The following PREX2 variants were observed in gnomAD, a reference collection of about 807,000 sequenced individuals.
PREX2 encodes phosphatidylinositol-3,4,5-trisphosphate dependent Rac exchange factor 2, also known as phosphatidylinositol 3,4,5-trisphosphate-dependent Rac exchanger 2 protein.
Under a neutral mutation model 203.2 loss-of-function variants are expected in PREX2, and 107 were observed. The observed-to-expected ratio is 0.53, with a 90% CI of 0.45 to 0.62. The LOEUF is 0.62. Among genes scored for constraint, PREX2 ranks in the 20% least tolerant of loss-of-function variants. The probability of loss-of-function intolerance (pLI) is 0.00; values close to 1 mark genes in which losing one functional copy is unlikely to be tolerated. For missense variants in PREX2, 1,777 were observed against 1,955.9 expected (o/e 0.91, Z 1.72); for synonymous variants, 672 against 663.6 (o/e 1.01, Z -0.19).
intron 37 of PREX2, among the ~76,000 whole-genome samples, chr8:68,202,030 C>T (rs576100458): frequency 2.6e-4 from 39 of 151,580 alleles, no homozygotes; most frequent in African/African-American, 8.5e-4. Flanking sequence ...CTCAGCCTCC[C>T]GAGTAGCTGG....
chr8:68,041,312 TATA>T (rs1808190648), intron 7 of PREX2, among the ~76,000 whole-genome samples: 1 of 152,182 alleles, frequency 6.6e-6, no homozygotes, highest in Non-Finnish European at 1.5e-5. Context: ...CTTCGTCTCT[TATA>T]ATGAGTCTTC....
At chr8:68,116,529 G>A (rs984682356) in intron 26 of PREX2, among the ~76,000 whole-genome samples, 3 of 152,162 alleles carry the variant, frequency 2.0e-5, no homozygotes, top group Non-Finnish European at 4.4e-5. Flanking sequence ...TGAAACCAAG[G>A]TGTGGGCTGT....
intron 35 of PREX2, among the ~76,000 whole-genome samples, chr8:68,164,782 A>C (rs1359341788): frequency 6.7e-6 from 1 of 150,292 alleles, no homozygotes; most frequent in African/African-American, 2.5e-5. Context: ...GGGTTTCTCC[A>C]TGTTGGTCAG....
chr8:68,006,509 T>C (rs114559692), intron 1 of PREX2, among the ~76,000 whole-genome samples: 11 of 152,066 alleles, frequency 7.2e-5, no homozygotes, highest in African/African-American at 2.4e-4. Context: ...TCCGTCAGGG[T>C]CACCTTTAGA....
intron 1 of PREX2, among the ~76,000 whole-genome samples, chr8:67,955,280 C>T (rs1328541050): frequency 1.3e-5 from 2 of 152,310 alleles, no homozygotes; most frequent in South Asian, 4.1e-4. Flanking sequence ...CATCTTCCCC[C>T]ACTGCCATCC....
At chr8:68,018,196 G>A (rs1209005847) in intron 2 of PREX2, among the ~76,000 whole-genome samples, 1 of 151,682 alleles carries the variant, frequency 6.6e-6, no homozygotes, top group African/African-American at 2.4e-5. Flanking sequence ...TTGGAGGTGT[G>A]GTGGCTTATG....
intron 2 of PREX2, among the ~76,000 whole-genome samples, chr8:68,019,080 C>T (rs1490437833): frequency 6.6e-6 from 1 of 152,240 alleles, no homozygotes. Context: ...GTCGCTACAT[C>T]CTCTCCAGCT....
At chr8:68,040,479 G>T (rs1239134188) in intron 7 of PREX2, among the ~76,000 whole-genome samples, 1 of 151,892 alleles carries the variant, frequency 6.6e-6, no homozygotes, top group Non-Finnish European at 1.5e-5. Context: ...CCTTGATTAT[G>T]CCACATGTGC....
At position 68,194,874 on chromosome 8, in the gene PREX2, G is replaced by A. The variant is rs180892356; in HGVS notation, c.4604+2349G>A. ...AAGAGCTTTGAGACCATAGGGACCA[G>A]CAGCTTGAGTGTCCTCAAGTGGGAA... On this transcript the variant is annotated intron_variant, in intron 37 of 39. Transcript: ENST00000288368. 2.7e-5 allele frequency among the ~76,000 whole-genome samples: 4 copies of A among 150,732 alleles called. No individual in the cohort carries two copies. The East Asian group carries it at 5.9e-4, about 22-fold the overall frequency.
chr8:67,997,928 T>C (rs1402319298), intron 1 of PREX2, among the ~76,000 whole-genome samples: 1 of 152,150 alleles, frequency 6.6e-6, no homozygotes, highest in Non-Finnish European at 1.5e-5. Context: ...ATGATAATAT[T>C]ATTATTTTAA....
chr8:68,093,392 A>C (rs1457086918), intron 20 of PREX2, among the ~76,000 whole-genome samples: 1 of 45,266 alleles, frequency 2.2e-5, no homozygotes, highest in Non-Finnish European at 4.1e-5. Flanking sequence ...CTCCATCTCA[A>C]AAAAAAAAAA....
chr8:68,094,793 G>A (rs1247698522), intron 21 of PREX2, among the ~76,000 whole-genome samples: 4 of 152,208 alleles, frequency 2.6e-5, no homozygotes, highest in Non-Finnish European at 5.9e-5. Flanking sequence ...CAATTTAGTT[G>A]TAAAGCCAGG....
intron 35 of PREX2, among the ~76,000 whole-genome samples, chr8:68,181,252 A>G (rs572995678): frequency 6.6e-6 from 1 of 152,262 alleles, no homozygotes; most frequent in South Asian, 2.1e-4. Flanking sequence ...ACGGGTATCA[A>G]AAGGAAGCTT....
intron 1 of PREX2, among the ~76,000 whole-genome samples, chr8:67,956,053 G>A (rs534055997): frequency 1.3e-5 from 2 of 152,252 alleles, no homozygotes; most frequent in African/African-American, 4.8e-5. Context: ...ACACTATCTA[G>A]ATTAATTATT....
intron 1 of PREX2, among the ~76,000 whole-genome samples, chr8:67,980,211 G>A (rs28380551): frequency 0.049 from 7,491 of 152,182 alleles, 408 homozygotes; most frequent in African/African-American, 0.13. Flanking sequence ...GGGCATGTTG[G>A]GTAAAGAGGA....
intron 14 of PREX2, 32 bp from the exon 15 acceptor site, chr8:68,077,365 A>G (rs540271216): frequency 5.1e-6 from 8 of 1,556,856 alleles, no homozygotes; most frequent in East Asian, 4.5e-5. Context: ...TTAGTTGCCT[A>G]TTAACTCCCA....
intron 7 of PREX2, among the ~76,000 whole-genome samples, chr8:68,039,493 C>A (rs1318139614): frequency 2.6e-5 from 4 of 152,102 alleles, no homozygotes; most frequent in Non-Finnish European, 2.9e-5. Context: ...CTCTTCCCAG[C>A]TGATTTTATC....
intron 30 of PREX2, among the ~76,000 whole-genome samples, chr8:68,121,860 A>G (rs1027122572): frequency 1.3e-5 from 2 of 152,126 alleles, no homozygotes; most frequent in Non-Finnish European, 2.9e-5. Context: ...AGTTCCTTAC[A>G]AGGAAGAATT....
Position 68,005,882 on chromosome 8 carries a change from G to A in PREX2, c.142-11964G>A, listed in dbSNP as rs80174227. On this transcript the variant is annotated intron_variant, in intron 1 of 39. Coordinates refer to ENST00000288368, the MANE Select transcript of PREX2 (RefSeq NM_024870.4). ...GAGAACAGAGCCTGTCATAGAGTGG[G>A]TTGGTTCACAGTGACTGTCTCATGC... is the stretch of plus-strand genomic sequence containing the variant. Among the ~76,000 whole-genome samples, 27 of 22,080 alleles carry A rather than the reference G, an allele frequency of 1.2e-3. No individual in the cohort carries two copies. The East Asian group carries it at 0.062, about 50-fold the overall frequency. 14.5% of individuals were successfully genotyped at this position (22,080 alleles called of 152,430 possible).
Sources: gnomAD v4.1 joint callset for allele counts (sites outside exome capture counted in the v4.1 genomes callset) on GRCh38, gnomAD v4.1.1 for gene constraint, MANE v1.5 for transcripts, NCBI Gene and HGNC (gene_info 2026-07-23, HGNC 2026-07-21) for gene names.